Variants in METTL24 observed in about 807,000 individuals in gnomAD.
The protein encoded by METTL24 is methyltransferase like 24, also known as probable methyltransferase-like protein 24.
In METTL24, 29 loss-of-function variants were observed where a neutral mutation model predicts 32.7. The observed-to-expected ratio is 0.89, with a 90% CI of 0.66 to 1.21. The LOEUF (loss-of-function observed/expected upper bound fraction) is 1.21, where lower values mean the gene tolerates loss of function less well. METTL24 is among the 50% of genes most tolerant of loss of function. The probability of loss-of-function intolerance (pLI) is 0.00; values close to 1 mark genes in which losing one functional copy is unlikely to be tolerated. For missense variants in METTL24, 439 were observed against 468.1 expected (o/e 0.94, Z 0.57); for synonymous variants, 163 against 179.5 (o/e 0.91, Z 0.73).
At chr6:110,262,058 T>C (rs987643286) in intron 4 of METTL24, among the ~76,000 whole-genome samples, 9 of 152,006 alleles carry the variant, frequency 5.9e-5, no homozygotes, top group Admixed American at 1.3e-4. Flanking sequence ...TTAAAAGAAC[T>C]AGAGAAGCAA....
chr6:110,348,043 C>G (rs1253764397), intron 1 of METTL24, among the ~76,000 whole-genome samples: 1 of 152,210 alleles, frequency 6.6e-6, no homozygotes, highest in Non-Finnish European at 1.5e-5. Flanking sequence ...TTACCCACCA[C>G]AAGCACACAC....
rs866750806 is a variant in METTL24, at chr6:110,313,976, T to A, written c.557+1366A>T. On this transcript the variant is annotated intron_variant, in intron 3 of 4. Transcript: ENST00000338882. ...TATCTTTAAACTCTTATTTTGTTTTTTTAAAGAATAAAATCCACAATGACC... is the reference window on the plus strand; with the variant it reads ...TATCTTTAAACTCTTATTTTGTTTTATTAAAGAATAAAATCCACAATGACC... Among the ~76,000 whole-genome samples the A allele has an allele frequency of 9.2e-5, 14 of 152,360 alleles. No homozygotes were observed. In the Middle Eastern group the frequency reaches 0.01, roughly 111 times the overall value.
intron 3 of METTL24, among the ~76,000 whole-genome samples, chr6:110,312,904 C>T (rs1206434017): frequency 6.6e-6 from 1 of 152,190 alleles, no homozygotes; most frequent in Non-Finnish European, 1.5e-5. Context: ...TGGGAACAGG[C>T]CAGAGCACAG....
intron 4 of METTL24, among the ~76,000 whole-genome samples, chr6:110,248,077 T>C (rs1778202497): frequency 6.6e-6 from 1 of 151,676 alleles, no homozygotes; most frequent in South Asian, 2.1e-4. Flanking sequence ...TCTACCCCCC[T>C]CTCTCTTGTT....
chr6:110,343,516 CATAATT>C lies in METTL24; in HGVS notation c.318+14433_318+14438del, dbSNP rs1297363096. 4.6e-5 allele frequency among the ~76,000 whole-genome samples: 7 copies of C among 152,136 alleles called. No individual in the cohort carries two copies. In the South Asian group the frequency reaches 1.4e-3, roughly 31 times the overall value. ...CCAATTCTGCCTTCTGCCAGAGTGG[CATAATT>C]CATGCCTAGGACAGGCCCGGAAGGA... On this transcript the variant is annotated intron_variant, in intron 1 of 4. Coordinates refer to ENST00000338882, the MANE Select transcript of METTL24 (RefSeq NM_001123364.3).
intron 4 of METTL24, among the ~76,000 whole-genome samples, chr6:110,257,054 T>C (rs907352324): frequency 1.3e-5 from 2 of 152,204 alleles, no homozygotes; most frequent in Non-Finnish European, 2.9e-5. Flanking sequence ...CTTATCACCA[T>C]GATCTAAAGC....
chr6:110,326,937 G>T (rs1772027515), intron 1 of METTL24, among the ~76,000 whole-genome samples: 1 of 152,234 alleles, frequency 6.6e-6, no homozygotes. Flanking sequence ...AAGGCTTCTT[G>T]TTCCAGCATT....
intron 4 of METTL24, among the ~76,000 whole-genome samples, chr6:110,263,407 T>C (rs1009795694): frequency 6.6e-6 from 1 of 152,112 alleles, no homozygotes; most frequent in Admixed American, 6.6e-5. Context: ...GGAATCCAAC[T>C]TACAAAGGAT....
At chr6:110,298,873 A>T (rs1248414225) in intron 4 of METTL24, 49 bp downstream of exon 4, 10 of 1,538,970 alleles carry the variant, frequency 6.5e-6, no homozygotes, top group Non-Finnish European at 8.9e-6. Flanking sequence ...TAAAAAGCTG[A>T]TGGGTTTGTT....
chr6:110,244,620 G>A lies in METTL24; in HGVS notation c.*1326C>T, dbSNP rs993136210. 2.6e-5 allele frequency among the ~76,000 whole-genome samples: 4 copies of A among 152,098 alleles called. No homozygotes were observed. The highest frequency in any genetic ancestry group is 1.3e-4 in the Admixed American group (2 of 15,268). ...AAGCAAACACATCCTTCTTCATATG[G>A]CAGCAGGAAGGAGAAAAATGAGAGC... is the stretch of plus-strand genomic sequence containing the variant. On this transcript the variant is annotated 3_prime_UTR_variant, in exon 5 of 5. Transcript: ENST00000338882.
At position 110,299,040 on chromosome 6, in the gene METTL24, A is replaced by G. The variant is rs1771474371; in HGVS notation, c.668T>C (p.Leu223Pro). ...KSAHILESQH[L>P]WYHRLSIDWR... Reference sequence around the variant, plus strand: ...GTCAATGGACAAGCGGTGATACCAAAGGTGCTGACTCTCCAGAATGTGAGC... The same window carrying G: ...GTCAATGGACAAGCGGTGATACCAAGGGTGCTGACTCTCCAGAATGTGAGC... The change falls in exon 4 of 5, where the codon CTT (leucine) becomes CCT (proline). Residue 223 changes from leucine (L) to proline (P), a missense_variant. Coordinates refer to ENST00000338882, the MANE Select transcript of METTL24 (RefSeq NM_001123364.3). 6.2e-7 allele frequency: 1 copy of G among 1,614,216 alleles called. No homozygotes were observed. The highest frequency in any genetic ancestry group is 8.5e-7 in the Non-Finnish European group (1 of 1,180,034).
At chr6:110,324,714 A>G (rs1771988989) in intron 1 of METTL24, among the ~76,000 whole-genome samples, 1 of 152,234 alleles carries the variant, frequency 6.6e-6, no homozygotes, top group Non-Finnish European at 1.5e-5. Context: ...GACTCTAGTA[A>G]GAGAGCTGGA....
intron 4 of METTL24, among the ~76,000 whole-genome samples, chr6:110,268,257 C>G (rs1469224185): frequency 6.6e-6 from 1 of 152,028 alleles, no homozygotes; most frequent in Non-Finnish European, 1.5e-5. Context: ...TCCATACAAA[C>G]CTGAGATTCA....
At chr6:110,306,080 C>T (rs1328307266) in intron 3 of METTL24, among the ~76,000 whole-genome samples, 1 of 151,686 alleles carries the variant, frequency 6.6e-6, no homozygotes, top group Non-Finnish European at 1.5e-5. Flanking sequence ...ACCACATGTT[C>T]TCACTCATAA....
At chr6:110,268,511 C>T (rs7746681) in intron 4 of METTL24, among the ~76,000 whole-genome samples, 33,798 of 152,054 alleles carry the variant, frequency 0.22, 5,534 homozygotes, top group African/African-American at 0.47. Context: ...GTTGAACTTC[C>T]AGCATGTGCA....
At chr6:110,352,126 C>T (rs1302648679) in intron 1 of METTL24, among the ~76,000 whole-genome samples, 3 of 152,222 alleles carry the variant, frequency 2.0e-5, no homozygotes, top group Non-Finnish European at 2.9e-5. Context: ...TATCCAGCTA[C>T]AGCCTTAGGT....
chr6:110,264,478 G>C (rs1354079298), intron 4 of METTL24, among the ~76,000 whole-genome samples: 1 of 152,178 alleles, frequency 6.6e-6, no homozygotes, highest in East Asian at 1.9e-4. Flanking sequence ...AACAACAGGT[G>C]CTAGAGAGGA....
At chr6:110,257,553 TC>T (rs1778407856) in intron 4 of METTL24, among the ~76,000 whole-genome samples, 1 of 152,142 alleles carries the variant, frequency 6.6e-6, no homozygotes, top group South Asian at 2.1e-4. Flanking sequence ...ACTCAGAGGA[TC>T]ACACACAGCA....
intron 4 of METTL24, among the ~76,000 whole-genome samples, chr6:110,258,603 T>A (rs897414931): frequency 3.3e-5 from 5 of 152,040 alleles, no homozygotes; most frequent in African/African-American, 7.3e-5. Context: ...GGTGGATGGT[T>A]AAATGGACCT....
Sources: gnomAD v4.1 joint callset for allele counts (sites outside exome capture counted in the v4.1 genomes callset) on GRCh38, gnomAD v4.1.1 for gene constraint, MANE v1.5 for transcripts, NCBI Gene and HGNC (gene_info 2026-07-23, HGNC 2026-07-21) for gene names.